The following ZBTB7A variants were observed in gnomAD, a reference collection of about 807,000 sequenced individuals.
ZBTB7A encodes zinc finger and BTB domain containing 7A.
Under a neutral mutation model 26.7 loss-of-function variants are expected in ZBTB7A, and 7 were observed. That is an observed-to-expected ratio of 0.26 (90% CI 0.15 to 0.49). The LOEUF is 0.49. ZBTB7A is among the 20% of genes least tolerant of loss of function. The pLI, the probability that ZBTB7A is intolerant of heterozygous loss-of-function variation, is 0.98. For synonymous variants in ZBTB7A, 452 were observed against 441.0 expected, an observed-to-expected ratio of 1.02 and a Z score of -0.31; for missense variants, 617 against 919.5, an observed-to-expected ratio of 0.67 and a Z score of 4.25.
At position 4,053,973 on chromosome 19, in the gene ZBTB7A, G is replaced by A. The variant is rs960046019; in HGVS notation, c.1260C>T (p.Thr420=). 6.3e-7 allele frequency: 1 copy of A among 1,597,264 alleles called. No individual in the cohort carries two copies. The highest frequency in any genetic ancestry group is 1.7e-5 in the Admixed American group (1 of 59,296). Residue 420 remains threonine, a splice_region_variant and synonymous_variant, in exon 2 of 3, where the codon ACC becomes ACT. Transcript: ENST00000322357. ...YECNICKVRF[T]RQDKLKVHMR... is the part of the protein sequence containing the mutation. The stretch of plus-strand genomic sequence containing the variant: ...CTCCCCCGCGGCGGGCAGCTCACCT[G>A]GTGAAGCGGACCTTGCAGATGTTGC...
chr19:4,060,410 C>T (rs1474586326), intron 1 of ZBTB7A, among the ~76,000 whole-genome samples: 2 of 152,242 alleles, frequency 1.3e-5, no homozygotes, highest in African/African-American at 2.4e-5. Flanking sequence ...GCACCCGGGC[C>T]GCATTTCGGC....
At chr19:4,065,796 A>AGGCGGGGAGGGGCCCCGG (rs1428362574) in intron 1 of ZBTB7A, 2 of 135,266 alleles carry the variant, frequency 1.5e-5, no homozygotes, top group South Asian at 2.4e-4. Flanking sequence ...TTACACAACC[A>AGGCGGGGAGGGGCCCCGG]GGCGGGGAGG....
intron 2 of ZBTB7A, among the ~76,000 whole-genome samples, chr19:4,051,096 CAAAAAAAAAAAAAAA>C (rs71166952): frequency 2.4e-5 from 1 of 42,426 alleles, no homozygotes; most frequent in East Asian, 8.8e-4. Context: ...AGACTCGTCT[CAAAAAAAAAAAAAAA>C]AAAAAAAAAA....
rs534810809 is a variant in ZBTB7A, at chr19:4,047,779, G to A, written c.1728C>T (p.Asp576=). The part of the protein sequence containing the change: ...DSGGGPGAAT[D]GNFTAGLA ...AGGCGAGTCCGGCTGTGAAGTTACC[G>A]TCGGTGGCGGCCCCGGGGCCACCTC... The change falls in exon 3 of 3, where the codon GAC becomes GAT. Residue 576 remains aspartate (D), a synonymous_variant. Coordinates refer to ENST00000322357, the MANE Select transcript of ZBTB7A (RefSeq NM_015898.4). 1.3e-5 allele frequency: 21 copies of A among 1,599,658 alleles called. No homozygotes were observed. The highest frequency in any genetic ancestry group is 8.6e-5 in the Admixed American group (5 of 58,286).
intron 1 of ZBTB7A, among the ~76,000 whole-genome samples, chr19:4,065,169 G>A (rs2145012511): frequency 6.6e-6 from 1 of 151,878 alleles, no homozygotes; most frequent in Admixed American, 6.5e-5. Flanking sequence ...AAAGGAGGGG[G>A]GGTCCGGGCC....
intron 1 of ZBTB7A, among the ~76,000 whole-genome samples, chr19:4,064,805 G>A (rs1248051609): frequency 1.3e-5 from 2 of 152,190 alleles, no homozygotes; most frequent in African/African-American, 4.8e-5. Flanking sequence ...CCTGACTGGG[G>A]GGAGAGGAGT....
At chr19:4,049,453 C>G (rs890766033) in intron 2 of ZBTB7A, among the ~76,000 whole-genome samples, 1 of 151,562 alleles carries the variant, frequency 6.6e-6, no homozygotes, top group African/African-American at 2.4e-5. Flanking sequence ...ATGCCACAGA[C>G]CTTTGCCGAG....
chr19:4,052,905 C>A lies in ZBTB7A; in HGVS notation c.1262+1066G>T, dbSNP rs2040519003. Among the ~76,000 whole-genome samples, 1 of 152,200 alleles carries A rather than the reference C, an allele frequency of 6.6e-6. No homozygotes were observed. Among genetic ancestry groups the A allele is most frequent in the African/African-American group, 2.4e-5 (1 of 41,450 alleles). The stretch of plus-strand genomic sequence containing the variant: ...CTGCCTGGAACGCCCTTTCCCACAG[C>A]TGCTCCTCCCCTCCTTCAGGTTCCG... On this transcript the variant is annotated intron_variant, in intron 2 of 2. Coordinates refer to ENST00000322357, the MANE Select transcript of ZBTB7A (RefSeq NM_015898.4). This position sits in a 1 kb window ranked among gnomAD's most constrained non-coding sequence, Gnocchi z 4.9.
intron 1 of ZBTB7A, chr19:4,061,598 GA>G (rs2040638808): frequency 6.6e-6 from 1 of 152,306 alleles, no homozygotes; most frequent in African/African-American, 2.4e-5. Flanking sequence ...GCCAGACATG[GA>G]GCAAACAGGC....
chr19:4,055,865 C>G (rs2040572145), intron 1 of ZBTB7A, among the ~76,000 whole-genome samples: 1 of 152,100 alleles, frequency 6.6e-6, no homozygotes, highest in Non-Finnish European at 1.5e-5. Context: ...TCAAATGATC[C>G]AACCGCCCCT....
At chr19:4,058,211 A>ACC (rs1402467766) in intron 1 of ZBTB7A, among the ~76,000 whole-genome samples, 3 of 152,218 alleles carry the variant, frequency 2.0e-5, no homozygotes, top group African/African-American at 7.2e-5. Flanking sequence ...ACCGGGCTAC[A>ACC]GCCCAGGAGG....
chr19:4,043,844 A>AC lies in ZBTB7A; in HGVS notation c.*3907dup, dbSNP rs1260802263. On this transcript the variant is annotated 3_prime_UTR_variant, in exon 3 of 3. Coordinates refer to ENST00000322357, the MANE Select transcript of ZBTB7A (RefSeq NM_015898.4). ...ACCCGTCCTGCGCCAGCCACCCACC[A>AC]CCCCCCCCCCCCCACCTCCAGGAAG... Among the ~76,000 whole-genome samples, 34 of 47,658 alleles carry AC rather than the reference A, an allele frequency of 7.1e-4. No individual in the cohort carries two copies. Among genetic ancestry groups the AC allele is most frequent in the East Asian group, 4.8e-3 (8 of 1,670 alleles). 31.3% of individuals were successfully genotyped at this position (47,658 alleles called of 152,430 possible).
chr19:4,065,357 GC>G (rs1207486924), intron 1 of ZBTB7A: 5 of 144,762 alleles, frequency 3.5e-5, no homozygotes, highest in Non-Finnish European at 7.7e-5. Flanking sequence ...CCCCTCCCCC[GC>G]CCCGGCCGCA....
rs2040544134 is a variant in ZBTB7A, at chr19:4,054,293, G to T, written c.940C>A (p.Leu314Met). Residue 314 changes from leucine to methionine, a missense_variant, in exon 2 of 3, where the codon CTG becomes ATG. Leu to Met is a conservative substitution (Grantham distance 15). Transcript: ENST00000322357. ...EDGDGPDVDG[L>M]AASTLLQQMM... Reference sequence around the variant, plus strand: ...TGCTGCAGCAGCGTGCTGGCCGCCAGCCCGTCCACGTCGGGCCCGTCCCCG... The same window carrying T: ...TGCTGCAGCAGCGTGCTGGCCGCCATCCCGTCCACGTCGGGCCCGTCCCCG... 3 of 1,541,950 alleles carry T rather than the reference G, an allele frequency of 1.9e-6. No homozygotes were observed. The highest frequency in any genetic ancestry group is 2.6e-6 in the Non-Finnish European group (3 of 1,150,114).
At chr19:4,064,616 A>G (rs750316535) in intron 1 of ZBTB7A, among the ~76,000 whole-genome samples, 1 of 152,194 alleles carries the variant, frequency 6.6e-6, no homozygotes, top group East Asian at 1.9e-4. Flanking sequence ...CGGCACGCTC[A>G]GGGTTACGCC....
At position 4,043,848 on chromosome 19, in the gene ZBTB7A, C is replaced by G. The variant is rs929078464; in HGVS notation, c.*3904G>C. ...GTCCTGCGCCAGCCACCCACCACCC[C>G]CCCCCCCCCACCTCCAGGAAGGCTG... On this transcript the variant is annotated 3_prime_UTR_variant, in exon 3 of 3. Coordinates refer to ENST00000322357, the MANE Select transcript of ZBTB7A (RefSeq NM_015898.4). Among the ~76,000 whole-genome samples, 12 of 143,568 alleles carry G rather than the reference C, an allele frequency of 8.4e-5. No homozygotes were observed. The highest frequency in any genetic ancestry group is 6.3e-4 in the East Asian group (3 of 4,758). 94.2% of individuals were successfully genotyped at this position (143,568 alleles called of 152,430 possible). A position where few individuals can be genotyped will look rare whatever the true frequency, so the allele number is the denominator to read the frequency against.
At chr19:4,049,166 G>A (rs570613345) in intron 2 of ZBTB7A, among the ~76,000 whole-genome samples, 2,648 of 12,526 alleles carry the variant, frequency 0.21, 107 homozygotes, top group Non-Finnish European at 0.28. Flanking sequence ...GTGTGTGTGT[G>A]TGTATATATA....
chr19:4,064,175 C>G (rs1238045538), intron 1 of ZBTB7A, among the ~76,000 whole-genome samples: 1 of 152,246 alleles, frequency 6.6e-6, no homozygotes, highest in Non-Finnish European at 1.5e-5. Flanking sequence ...CGTGGCTGCC[C>G]GCCCGGGCCC....
At position 4,054,782 on chromosome 19, in the gene ZBTB7A, G is replaced by C. The variant is rs769829171; in HGVS notation, c.451C>G (p.Gln151Glu). 6.3e-7 allele frequency: 1 copy of C among 1,581,870 alleles called. No individual in the cohort carries two copies. The highest frequency in any genetic ancestry group is 2.3e-5 in the East Asian group (1 of 42,846). ...TCCTTGGCGCGGAGGAGGTTGCGCT[G>C]ATCAATTTGATCTACAAGGTCCAGC... ...GQLDLVDQIDQRNLLRAKEYL... is the reference protein window; with the variant it reads ...GQLDLVDQIDERNLLRAKEYL... The change falls in exon 2 of 3, where the codon CAG becomes GAG. Residue 151 changes from glutamine to glutamate, a missense_variant. Gln to Glu is a conservative substitution (Grantham distance 29). Transcript: ENST00000322357.
Sources: gnomAD v4.1 joint callset for allele counts (sites outside exome capture counted in the v4.1 genomes callset) on GRCh38, gnomAD v4.1.1 for gene constraint, Gnocchi (gnomAD v3.1) non-coding constraint, MANE v1.5 for transcripts, NCBI Gene and HGNC (gene_info 2026-07-23, HGNC 2026-07-21) for gene names.